Variants in CDH12 observed in about 807,000 individuals in gnomAD.
CDH12 encodes cadherin-12.
A neutral mutation model predicts 74.1 loss-of-function variants in CDH12; 41 were observed. That is an observed-to-expected ratio of 0.55 (90% CI 0.43 to 0.72). The LOEUF is 0.72. Ranked by LOEUF, CDH12 falls within the 30% of genes least tolerant of loss-of-function variation. CDH12 has a pLI of 0.00. For synonymous variants in CDH12, 399 were observed against 355.0 expected (o/e 1.12, Z -1.39); for missense variants, 945 against 977.2 (o/e 0.97, Z 0.44).
At chr5:22,280,816 C>T (rs959274830) in intron 3 of CDH12, among the ~76,000 whole-genome samples, 1 of 152,172 alleles carries the variant, frequency 6.6e-6, no homozygotes, top group Non-Finnish European at 1.5e-5. Flanking sequence ...TGGTACCATT[C>T]CTTCTGAGAC....
At chr5:22,712,463 C>T (rs940780664) in intron 1 of CDH12, among the ~76,000 whole-genome samples, 1 of 138,570 alleles carries the variant, frequency 7.2e-6, no homozygotes, top group African/African-American at 2.6e-5. Context: ...TCAATAGAGG[C>T]CTTTTGGCTA....
chr5:22,599,812 A>G (rs1736770967), intron 1 of CDH12, among the ~76,000 whole-genome samples: 1 of 152,182 alleles, frequency 6.6e-6, no homozygotes, highest in African/African-American at 2.4e-5. Flanking sequence ...TTTATAATGC[A>G]CATCATCTTT....
rs562175858 is a variant in CDH12 at position 22,712,429 on chromosome 5, T to G, written c.-523+140629A>C. ...TTACAAGTTCCTCAGCATCAAAACC[T>G]CTCCCCTTTTAAATCTACTCTAATC... On this transcript the variant is annotated intron_variant, in intron 1 of 14. Transcript: ENST00000382254. Among the ~76,000 whole-genome samples, 24 of 151,942 alleles carry G rather than the reference T, an allele frequency of 1.6e-4. No individual in the cohort carries two copies. The South Asian group carries it at 1.7e-3, about 11-fold the overall frequency.
chr5:21,830,872 C>T (rs1206180555), intron 8 of CDH12, among the ~76,000 whole-genome samples: 1 of 150,960 alleles, frequency 6.6e-6, no homozygotes, highest in Non-Finnish European at 1.5e-5. Context: ...CCTGTCTCTA[C>T]TAAAAATACA....
intron 4 of CDH12, among the ~76,000 whole-genome samples, chr5:22,147,472 G>A (rs71609246): frequency 5.3e-5 from 8 of 151,972 alleles, no homozygotes; most frequent in South Asian, 2.1e-4. Context: ...AAAGAAAATC[G>A]TATCTCCAAG....
rs1433341638 is a variant in CDH12, at chr5:22,230,662, G to C, written c.-332-18019C>G. Among the ~76,000 whole-genome samples, 3 of 151,700 alleles carry C rather than the reference G, an allele frequency of 2.0e-5. No individual in the cohort carries two copies. In the East Asian group the frequency reaches 5.8e-4, roughly 29 times the overall value. ...ATTTTTGTATTTTTAATAGAGACGG[G>C]GTTTCACTGTGTTGGCCAGAATGGT... is the stretch of plus-strand genomic sequence containing the variant. On this transcript the variant is annotated intron_variant, in intron 3 of 14. Transcript: ENST00000382254.
In CDH12 at chr5:21,786,692, C is replaced by T. The variant is rs144360713; in HGVS notation, c.1257-3198G>A. Reference sequence around the variant, plus strand: ...TATTTAAGAAATACAGTTTGTAAGGCTATAGCTACCAAAGATAGTGACTTC... The same window carrying T: ...TATTTAAGAAATACAGTTTGTAAGGTTATAGCTACCAAAGATAGTGACTTC... On this transcript the variant is annotated intron_variant, in intron 10 of 14. Transcript: ENST00000382254. Among the ~76,000 whole-genome samples the T allele has an allele frequency of 3.3e-5, 5 of 152,218 alleles. No individual in the cohort carries two copies. In the East Asian group the frequency reaches 9.7e-4, roughly 29 times the overall value.
intron 5 of CDH12, among the ~76,000 whole-genome samples, chr5:22,033,868 C>G (rs1213985952): frequency 1.3e-5 from 2 of 152,180 alleles, no homozygotes; most frequent in African/African-American, 2.4e-5. Context: ...CTCTTTAGCA[C>G]TTAGCATTTC....
intron 1 of CDH12, among the ~76,000 whole-genome samples, chr5:22,779,399 TA>T (rs11479183): frequency 0.9 from 136,641 of 152,200 alleles, 61,541 homozygotes; most frequent in East Asian, 0.99. Context: ...TTATATACAC[TA>T]AAAAAAATGC....
intron 1 of CDH12, among the ~76,000 whole-genome samples, chr5:22,545,059 A>G (rs910435264): frequency 5.3e-5 from 8 of 152,186 alleles, no homozygotes; most frequent in Non-Finnish European, 2.9e-5. Context: ...TCTGTGTAAC[A>G]CATAATTTAG....
chr5:21,910,209 C>T (rs1406493504), intron 6 of CDH12, among the ~76,000 whole-genome samples: 1 of 152,084 alleles, frequency 6.6e-6, no homozygotes, highest in Non-Finnish European at 1.5e-5. Context: ...CTTCTGGCTA[C>T]AAGTGATAGA....
chr5:22,524,095 A>G (rs1200362294), intron 1 of CDH12, among the ~76,000 whole-genome samples: 4 of 149,954 alleles, frequency 2.7e-5, no homozygotes, highest in Non-Finnish European at 5.9e-5. Flanking sequence ...TGATCCATCC[A>G]CCCCAGCCTC....
At chr5:21,990,921 A>G (rs1259028369) in intron 5 of CDH12, among the ~76,000 whole-genome samples, 1 of 148,388 alleles carries the variant, frequency 6.7e-6, no homozygotes, top group African/African-American at 2.6e-5. Flanking sequence ...TTGATAATAC[A>G]ATGCCATTAA....
At chr5:22,590,415 T>G (rs1740643969) in intron 1 of CDH12, among the ~76,000 whole-genome samples, 1 of 152,122 alleles carries the variant, frequency 6.6e-6, no homozygotes, top group African/African-American at 2.4e-5. Context: ...AAAAAACATG[T>G]AAAGTCTGGA....
intron 1 of CDH12, among the ~76,000 whole-genome samples, chr5:22,843,441 C>T (rs1737166131): frequency 6.6e-6 from 1 of 151,998 alleles, no homozygotes; most frequent in Admixed American, 6.6e-5. Context: ...ATCATAGAGC[C>T]AGAAAAAATG....
At chr5:21,879,312 C>T (rs756322736) in intron 6 of CDH12, among the ~76,000 whole-genome samples, 11 of 147,370 alleles carry the variant, frequency 7.5e-5, no homozygotes, top group Non-Finnish European at 1.2e-4. Context: ...ACTTTTTAAG[C>T]AGCACATTAA....
chr5:22,197,471 T>C (rs1750688204), intron 4 of CDH12, among the ~76,000 whole-genome samples: 1 of 151,506 alleles, frequency 6.6e-6, no homozygotes, highest in Non-Finnish European at 1.5e-5. Flanking sequence ...AATACATAAA[T>C]AAACAAAAAA....
chr5:22,739,002 C>T (rs1292676762), intron 1 of CDH12, among the ~76,000 whole-genome samples: 2 of 151,884 alleles, frequency 1.3e-5, no homozygotes, highest in African/African-American at 4.8e-5. Flanking sequence ...TTTTGGTGTG[C>T]CCTTTTTATG....
At chr5:22,350,078 T>C (rs2150463502) in intron 3 of CDH12, among the ~76,000 whole-genome samples, 2 of 152,316 alleles carry the variant, frequency 1.3e-5, no homozygotes, top group South Asian at 4.1e-4. Context: ...TTGAAATAAA[T>C]TGAGCTATTT....
Sources: gnomAD v4.1 joint callset for allele counts (sites outside exome capture counted in the v4.1 genomes callset) on GRCh38, gnomAD v4.1.1 for gene constraint, MANE v1.5 for transcripts, NCBI Gene and HGNC (gene_info 2026-07-23, HGNC 2026-07-21) for gene names.